GRIK3: variants seen among roughly 807,000 people sequenced by gnomAD.
GRIK3 encodes the protein glutamate ionotropic receptor kainate type subunit 3, also known as glutamate receptor ionotropic, kainate 3.
GRIK3 carries 29 observed loss-of-function variants against 102.5 expected under a neutral mutation model. The ratio of observed to expected loss-of-function variants is 0.28; its 90% CI spans 0.21 to 0.39. The LOEUF (loss-of-function observed/expected upper bound fraction) is 0.39. Ranked by LOEUF, GRIK3 falls within the 10% of genes least tolerant of loss-of-function variation. GRIK3 has a pLI of 1.00. For missense variants in GRIK3, 908 were observed against 1,252.4 expected (o/e 0.73, Z 4.15); for synonymous variants, 511 against 504.9 (o/e 1.01, Z -0.16).
intron 9 of GRIK3, among the ~76,000 whole-genome samples, chr1:36,845,876 G>A (rs979460495): frequency 1.3e-5 from 2 of 152,046 alleles, no homozygotes; most frequent in Non-Finnish European, 2.9e-5. Context: ...CTGCTGCTGG[G>A]TGCTGAGTGT....
At chr1:36,884,701 A>G (rs997402288) in intron 2 of GRIK3, among the ~76,000 whole-genome samples, 3 of 152,098 alleles carry the variant, frequency 2.0e-5, no homozygotes, top group African/African-American at 7.2e-5. Flanking sequence ...CTGTCCCACT[A>G]TATTATCTGT....
chr1:36,980,802 G>A (rs546911326), intron 1 of GRIK3, among the ~76,000 whole-genome samples: 2 of 152,244 alleles, frequency 1.3e-5, no homozygotes, highest in East Asian at 3.9e-4. Context: ...GACCCTGATG[G>A]AATATGTCCA....
intron 9 of GRIK3, 22 bp from the exon 10 acceptor site, chr1:36,841,961 G>A (rs774966722): frequency 2.5e-6 from 4 of 1,598,358 alleles, no homozygotes; most frequent in South Asian, 1.1e-5. Flanking sequence ...GATGGGCAGG[G>A]TGTGACGAAG....
intron 1 of GRIK3, among the ~76,000 whole-genome samples, chr1:36,957,900 T>C (rs1290805367): frequency 2.8e-4 from 17 of 61,708 alleles, no homozygotes; most frequent in South Asian, 2.2e-3. Context: ...CTGTGTGCCC[T>C]GTGAGTCTGT....
chr1:37,022,120 G>C (rs1178641567), intron 1 of GRIK3, among the ~76,000 whole-genome samples: 2 of 152,226 alleles, frequency 1.3e-5, no homozygotes, highest in African/African-American at 4.8e-5. Context: ...GAATCTCCAG[G>C]TTAACTGTCA....
chr1:36,864,747 T>G (rs927007589), intron 5 of GRIK3, among the ~76,000 whole-genome samples: 1 of 152,042 alleles, frequency 6.6e-6, no homozygotes, highest in African/African-American at 2.4e-5. Flanking sequence ...AGCTGCAAAG[T>G]GTTGTAGGGC....
At chr1:36,884,445 T>C (rs920430432) in intron 2 of GRIK3, among the ~76,000 whole-genome samples, 6 of 152,162 alleles carry the variant, frequency 3.9e-5, no homozygotes, top group Non-Finnish European at 7.4e-5. Context: ...GGGTGTTGCA[T>C]ATCTTCCCCG....
Position 36,927,618 on chromosome 1 carries a change from A to G in GRIK3, c.116-36522T>C, listed in dbSNP as rs1024342043. Among the ~76,000 whole-genome samples, 4 of 152,330 alleles carry G rather than the reference A, an allele frequency of 2.6e-5. No homozygotes were observed. The South Asian group carries it at 8.3e-4, about 32-fold the overall frequency. ...CCCAGCTGGCTTTCTAGAAAAAAAT[A>G]TAAAAGTAAGATAGAGGGAAAAAAG... On this transcript the variant is annotated intron_variant, in intron 1 of 15. Transcript: ENST00000373091.
intron 1 of GRIK3, among the ~76,000 whole-genome samples, chr1:36,900,516 C>T (rs1641222969): frequency 6.6e-6 from 1 of 152,040 alleles, no homozygotes; most frequent in Admixed American, 6.5e-5. Context: ...AAAATGAAAG[C>T]ATAACTTATC....
At chr1:36,986,461 T>TC (rs1553125904) in intron 1 of GRIK3, among the ~76,000 whole-genome samples, 5 of 127,516 alleles carry the variant, frequency 3.9e-5, no homozygotes, top group Admixed American at 7.9e-5. Context: ...CATCCATCCA[T>TC]CAGCCCATCC....
intron 1 of GRIK3, among the ~76,000 whole-genome samples, chr1:36,931,313 C>T (rs142391965): frequency 1.6e-4 from 24 of 152,268 alleles, no homozygotes; most frequent in African/African-American, 5.5e-4. Flanking sequence ...GGCCCAGCCT[C>T]CCCTGGAGAG....
At chr1:36,845,685 C>T (rs1257189721) in intron 9 of GRIK3, among the ~76,000 whole-genome samples, 4 of 152,214 alleles carry the variant, frequency 2.6e-5, no homozygotes, top group African/African-American at 9.6e-5. Context: ...GATGTCCTGT[C>T]TGCCTAGCCC....
chr1:36,866,835 T>TCATC (rs1267715407), intron 5 of GRIK3, among the ~76,000 whole-genome samples: 1 of 152,216 alleles, frequency 6.6e-6, no homozygotes, highest in African/African-American at 2.4e-5. Flanking sequence ...TGCATTGCAG[T>TCATC]CATCCATCCG....
intron 5 of GRIK3, among the ~76,000 whole-genome samples, chr1:36,869,535 C>T (rs1261506839): frequency 3.3e-5 from 5 of 152,334 alleles, no homozygotes; most frequent in Admixed American, 2.6e-4. Flanking sequence ...TTCACATTGG[C>T]TCCAGAGTTC....
At chr1:36,831,812 C>T (rs1326277492) in intron 10 of GRIK3, among the ~76,000 whole-genome samples, 1 of 152,200 alleles carries the variant, frequency 6.6e-6, no homozygotes, top group African/African-American at 2.4e-5. Context: ...CCCCGTGTGG[C>T]TGGTGGCTGC....
intron 10 of GRIK3, among the ~76,000 whole-genome samples, chr1:36,836,810 G>A (rs1362862395): frequency 1.3e-5 from 2 of 152,144 alleles, no homozygotes; most frequent in Non-Finnish European, 2.9e-5. Flanking sequence ...CTGATGCAGG[G>A]GGCTGGGAGA....
intron 1 of GRIK3, among the ~76,000 whole-genome samples, chr1:36,903,571 T>C (rs1165281187): frequency 6.6e-6 from 1 of 152,174 alleles, no homozygotes; most frequent in Admixed American, 6.6e-5. Context: ...AATCAAGATA[T>C]CCTTCAGTAG....
chr1:37,028,045 A>G (rs375448424), intron 1 of GRIK3, among the ~76,000 whole-genome samples: 287 of 152,336 alleles, frequency 1.9e-3, no homozygotes, highest in African/African-American at 6.5e-3. Flanking sequence ...CTTAAAAATA[A>G]AACGACCATA....
intron 1 of GRIK3, among the ~76,000 whole-genome samples, chr1:36,942,321 G>C (rs1641731676): frequency 6.6e-6 from 1 of 152,242 alleles, no homozygotes; most frequent in South Asian, 2.1e-4. Flanking sequence ...TTAGGAAAGG[G>C]CCGAGCTGAT....
Sources: allele counts gnomAD v4.1 joint callset (sites outside exome capture counted in the v4.1 genomes callset), GRCh38; gene constraint gnomAD v4.1.1; transcripts MANE v1.5; gene names NCBI Gene and HGNC (gene_info 2026-07-23, HGNC 2026-07-21).